The following VAPA variants were observed in gnomAD, a reference collection of about 807,000 sequenced individuals.
The protein encoded by VAPA is vesicle-associated membrane protein-associated protein A.
Under a neutral mutation model 25.6 loss-of-function variants are expected in VAPA, and 6 were observed. The observed-to-expected ratio is 0.23, with a 90% CI of 0.13 to 0.46. The LOEUF (loss-of-function observed/expected upper bound fraction) is 0.46. Ranked by LOEUF, VAPA falls within the 20% of genes least tolerant of loss-of-function variation. The probability of loss-of-function intolerance (pLI) is 0.99; values close to 1 mark genes in which losing one functional copy is unlikely to be tolerated. For missense variants in VAPA, 244 were observed against 302.1 expected, an observed-to-expected ratio of 0.81 and a Z score of 1.43; for synonymous variants, 112 against 106.2, an observed-to-expected ratio of 1.05 and a Z score of -0.34.
At chr18:9,925,833 T>C (rs1303592222) in intron 1 of VAPA, among the ~76,000 whole-genome samples, 1 of 152,168 alleles carries the variant, frequency 6.6e-6, no homozygotes, top group Non-Finnish European at 1.5e-5. Flanking sequence ...AAAATCTTTT[T>C]CATATATTGC....
At chr18:9,943,210 A>C (rs2069384186) in intron 4 of VAPA, among the ~76,000 whole-genome samples, 1 of 152,202 alleles carries the variant, frequency 6.6e-6, no homozygotes, top group Non-Finnish European at 1.5e-5. Context: ...TTAAAAAATC[A>C]TTTATTTGTG....
chr18:9,917,645 A>G (rs993555248), intron 1 of VAPA, among the ~76,000 whole-genome samples: 1 of 152,230 alleles, frequency 6.6e-6, no homozygotes, highest in South Asian at 2.1e-4. Flanking sequence ...ATAAATTTCA[A>G]ATATATTCTT....
intron 1 of VAPA, among the ~76,000 whole-genome samples, chr18:9,927,146 T>C (rs17732988): frequency 0.027 from 4,041 of 152,244 alleles, 62 homozygotes; most frequent in Middle Eastern, 0.071. Context: ...GGAGTGACTA[T>C]ATTGGTGTCT....
chr18:9,932,261 T>A (rs962483732), intron 2 of VAPA, among the ~76,000 whole-genome samples: 1 of 152,244 alleles, frequency 6.6e-6, no homozygotes, highest in Non-Finnish European at 1.5e-5. Flanking sequence ...TGAAAAATTA[T>A]ATCATTTTTC....
Position 9,954,334 on chromosome 18 carries a change from A to G in VAPA, c.*123A>G. On this transcript the variant is annotated 3_prime_UTR_variant, in exon 6 of 6. Coordinates refer to ENST00000400000, the MANE Select transcript of VAPA (RefSeq NM_194434.3). ...ACCATTTTTTTGTGTGTACAGCGTCATATAGGCTTTGCCTTTAATGATCTC... is the reference window on the plus strand; with the variant it reads ...ACCATTTTTTTGTGTGTACAGCGTCGTATAGGCTTTGCCTTTAATGATCTC... 2 of 824,968 alleles carry G rather than the reference A, an allele frequency of 2.4e-6. No homozygotes were observed. Among genetic ancestry groups the G allele is most frequent in the Non-Finnish European group, 3.8e-6 (2 of 523,400 alleles). The allele number at this position is 824,968 out of a possible 1,614,324, so 51.1% of individuals were successfully genotyped here.
intron 4 of VAPA, among the ~76,000 whole-genome samples, chr18:9,941,481 C>G (rs150698170): frequency 9.7e-4 from 147 of 152,150 alleles, no homozygotes; most frequent in African/African-American, 3.4e-3. Context: ...CCTTTTATGT[C>G]TATCTAAAGA....
rs2069544541 is a variant in VAPA at position 9,955,888 on chromosome 18, G to C, written c.*1677G>C. 1 of 151,340 alleles carries C rather than the reference G, an allele frequency of 6.6e-6. No homozygotes were observed. Among genetic ancestry groups the C allele is most frequent in the Non-Finnish European group, 1.5e-5 (1 of 67,574 alleles). The allele number at this position is 151,340 out of a possible 1,614,324, so 9.4% of individuals were successfully genotyped here. ...CATTGCTGTATGCTTTACTGTCTTT[G>C]TAAAAATCCCCCTCTCCCCTTTTCT... On this transcript the variant is annotated 3_prime_UTR_variant, in exon 6 of 6. Transcript: ENST00000400000.
intron 2 of VAPA, 136 bp downstream of exon 2, chr18:9,932,098 G>A: frequency 1.6e-6 from 1 of 627,040 alleles, no homozygotes. Context: ...AAGATGTCTT[G>A]TTACAGTACT....
chr18:9,914,793 C>T (rs1400163636), intron 1 of VAPA: 1 of 152,430 alleles, frequency 6.6e-6, no homozygotes, highest in Non-Finnish European at 1.5e-5. Context: ...GGAGGTGGCG[C>T]AAGCTGCGTC....
chr18:9,943,609 G>A (rs2069387826), intron 4 of VAPA, among the ~76,000 whole-genome samples: 1 of 152,084 alleles, frequency 6.6e-6, no homozygotes, highest in Non-Finnish European at 1.5e-5. Context: ...TGAATTATTA[G>A]CTCTGTTTGG....
chr18:9,921,133 G>A (rs532881031), intron 1 of VAPA, among the ~76,000 whole-genome samples: 2 of 152,314 alleles, frequency 1.3e-5, no homozygotes, highest in South Asian at 2.1e-4. Context: ...AGTAAGTGTT[G>A]ATTGAATTAA....
At chr18:9,926,236 C>T (rs1397434849) in intron 1 of VAPA, among the ~76,000 whole-genome samples, 8 of 152,036 alleles carry the variant, frequency 5.3e-5, no homozygotes, top group Admixed American at 5.2e-4. Context: ...AACATGATGC[C>T]ACAGATACTC....
intron 2 of VAPA, among the ~76,000 whole-genome samples, chr18:9,935,863 AAGAC>A (rs1342509728): frequency 5.3e-5 from 8 of 152,350 alleles, no homozygotes; most frequent in South Asian, 4.1e-4. Context: ...GTAAATTAGA[AAGAC>A]AGACAATTTA....
rs148864278 is a variant in VAPA, at chr18:9,936,680, C to T, written c.337-306C>T. 4 of 272,936 alleles carry T rather than the reference C, an allele frequency of 1.5e-5. No individual in the cohort carries two copies. In the East Asian group the frequency reaches 3.1e-4, roughly 21 times the overall value. 16.9% of individuals were successfully genotyped at this position (272,936 alleles called of 1,614,324 possible). A position where few individuals can be genotyped will look rare whatever the true frequency, so the allele number is the denominator to read the frequency against. On this transcript the variant is annotated intron_variant, in intron 3 of 5. Transcript: ENST00000400000. ...ATTGATTGCTTGAGCCCAGGAGGGG[C>T]GACTGCACTCCAGCCTGGGAAACAG...
intron 2 of VAPA, among the ~76,000 whole-genome samples, chr18:9,932,232 G>A (rs955499895): frequency 7.2e-5 from 11 of 152,080 alleles, no homozygotes; most frequent in African/African-American, 2.7e-4. Context: ...TACCTTCTCT[G>A]CCTTTGTTAT....
intron 1 of VAPA, among the ~76,000 whole-genome samples, chr18:9,922,066 C>A (rs2069161247): frequency 6.6e-6 from 1 of 152,116 alleles, no homozygotes; most frequent in African/African-American, 2.4e-5. Context: ...CAGCCTTGAA[C>A]TCCAGGGCCC....
intron 4 of VAPA, chr18:9,948,511 G>T (rs1174709974): frequency 6.6e-6 from 1 of 152,084 alleles, no homozygotes; most frequent in African/African-American, 2.4e-5. Context: ...AAAATAATCA[G>T]TTGTCGAGCT....
Position 9,914,202 on chromosome 18 carries a change from C to T in VAPA, c.-55C>T. ...AGCCGTCGCCGCCGTCGTCCCCCGC[C>T]CCCAGTCAGCAAACCGCCGCCGCGG... On this transcript the variant is annotated 5_prime_UTR_variant, in exon 1 of 6. Transcript: ENST00000400000. 1 of 1,503,800 alleles carries T rather than the reference C, an allele frequency of 6.6e-7. No individual in the cohort carries two copies. Among genetic ancestry groups the T allele is most frequent in the Non-Finnish European group, 9.0e-7 (1 of 1,112,710 alleles). The allele number at this position is 1,503,800 out of a possible 1,614,324, so 93.2% of individuals were successfully genotyped here.
chr18:9,925,225 T>C (rs561604317), intron 1 of VAPA, among the ~76,000 whole-genome samples: 2 of 152,242 alleles, frequency 1.3e-5, no homozygotes, highest in African/African-American at 4.8e-5. Flanking sequence ...AAACTGTTGA[T>C]TGTATAGTAT....
Sources: gnomAD v4.1 joint callset for allele counts (sites outside exome capture counted in the v4.1 genomes callset) on GRCh38, gnomAD v4.1.1 for gene constraint, MANE v1.5 for transcripts, NCBI Gene and HGNC (gene_info 2026-07-23, HGNC 2026-07-21) for gene names.